The following PXDN variants were observed in gnomAD, a reference collection of about 807,000 sequenced individuals.
The protein encoded by PXDN is peroxidasin.
A neutral mutation model predicts 140.3 loss-of-function variants in PXDN; 77 were observed. That is an observed-to-expected ratio of 0.55 (90% CI 0.46 to 0.66). PXDN has a LOEUF of 0.66. Ranked by LOEUF, PXDN falls within the 30% of genes least tolerant of loss-of-function variation. The pLI, the probability that PXDN is intolerant of heterozygous loss-of-function variation, is 0.00. For missense variants in PXDN, 1,838 were observed against 2,039.5 expected (o/e 0.90, Z 1.90); for synonymous variants, 911 against 857.4 (o/e 1.06, Z -1.09).
At chr2:1,663,085 G>A (rs1046269438) in intron 12 of PXDN, among the ~76,000 whole-genome samples, 3 of 152,152 alleles carry the variant, frequency 2.0e-5, no homozygotes, top group African/African-American at 7.2e-5. Flanking sequence ...ATGAGGTTGT[G>A]GGGATTCTTC....
Position 1,713,684 on chromosome 2 carries a change from G to T in PXDN, c.201-20550C>A, listed in dbSNP as rs1684833872. ...TCCCCCCGAATGCTCGTGTGCTCCT[G>T]GTCCTTGCAGCCACTGCAGTGCCTC... On this transcript the variant is annotated intron_variant, in intron 1 of 22. Transcript: ENST00000252804. 3.3e-5 allele frequency among the ~76,000 whole-genome samples: 5 copies of T among 152,326 alleles called. No individual in the cohort carries two copies. The South Asian group carries it at 1.0e-3, about 32-fold the overall frequency.
chr2:1,649,045 G>T lies in PXDN; in HGVS notation c.2735C>A (p.Ala912Glu). ...QINQLTSYIDASNVYGSTEHE... is the reference protein window; with the variant it reads ...QINQLTSYIDESNVYGSTEHE... ...CTCCGTGCTCCCGTACACGTTGGATGCGTCTATGTAGGAGGTGAGCTGGTT... is the reference window on the plus strand; with the variant it reads ...CTCCGTGCTCCCGTACACGTTGGATTCGTCTATGTAGGAGGTGAGCTGGTT... The change falls in exon 17 of 23, where the codon GCA (alanine) becomes GAA (glutamate). Residue 912 changes from alanine (A) to glutamate (E), a missense_variant. Ala to Glu is a moderately radical substitution (Grantham distance 107, BLOSUM62 -1). Transcript: ENST00000252804. This position sits in a 1 kb window ranked among gnomAD's most constrained non-coding sequence, Gnocchi z 7.1. 1 of 1,612,660 alleles carries T rather than the reference G, an allele frequency of 6.2e-7. No individual in the cohort carries two copies. Among genetic ancestry groups the T allele is most frequent in the Non-Finnish European group, 8.5e-7 (1 of 1,179,734 alleles).
At chr2:1,705,163 G>A (rs552802204) in intron 1 of PXDN, among the ~76,000 whole-genome samples, 2 of 151,970 alleles carry the variant, frequency 1.3e-5, no homozygotes, top group African/African-American at 4.8e-5. Context: ...GGGCCTCCCC[G>A]GAGCCGTGAG....
Position 1,639,259 on chromosome 2 carries a change from G to A in PXDN, c.4073+43C>T, listed in dbSNP as rs1417021510. Reference sequence around the variant, plus strand: ...TCCTACTGCCCGACGCCCGCGGTGCGAGGGCCCCTCTGCACATCATTTGAC... The same window carrying A: ...TCCTACTGCCCGACGCCCGCGGTGCAAGGGCCCCTCTGCACATCATTTGAC... On this transcript the variant is annotated intron_variant, in intron 20 of 22. Transcript: ENST00000252804. This position sits in a 1 kb window ranked among gnomAD's most constrained non-coding sequence, Gnocchi z 5.0. 22 of 1,588,112 alleles carry A rather than the reference G, an allele frequency of 1.4e-5. No homozygotes were observed. The highest frequency in any genetic ancestry group is 1.5e-5 in the Non-Finnish European group (17 of 1,166,946).
intron 1 of PXDN, among the ~76,000 whole-genome samples, chr2:1,700,552 T>C (rs1350363902): frequency 4.6e-5 from 7 of 152,182 alleles, no homozygotes; most frequent in Admixed American, 1.3e-4. Context: ...ACGGCGATGA[T>C]GTTGTGGTTC....
Position 1,660,836 on chromosome 2 carries a change from C to G in PXDN, c.1837+45G>C, listed in dbSNP as rs765950494. 9.5e-6 allele frequency: 15 copies of G among 1,578,526 alleles called. No individual in the cohort carries two copies. In the Admixed American group the frequency reaches 2.6e-4, roughly 27 times the overall value. On this transcript the variant is annotated intron_variant, in intron 14 of 22. Coordinates refer to ENST00000252804, the MANE Select transcript of PXDN (RefSeq NM_012293.3). This position sits in a 1 kb window ranked among gnomAD's most constrained non-coding sequence, Gnocchi z 4.6. ...ACCACACTAGGGACCTGCGGGCTTT[C>G]TTTGTGGATACCATGTGGGTAGATG...
chr2:1,714,653 C>A lies in PXDN; in HGVS notation c.201-21519G>T, dbSNP rs184831099. 5.7e-4 allele frequency among the ~76,000 whole-genome samples: 86 copies of A among 151,284 alleles called. No individual in the cohort carries two copies. Among genetic ancestry groups the A allele is most frequent in the Non-Finnish European group, 1.1e-3 (78 of 68,024 alleles). On this transcript the variant is annotated intron_variant, in intron 1 of 22. Transcript: ENST00000252804. The surrounding 1 kb of genome is among the most constrained non-coding windows in gnomAD (Gnocchi z 4.3). The stretch of plus-strand genomic sequence containing the variant: ...GGAATGCGGCCACAGAAGAGGCGAC[C>A]CGGTGGCTGTGGCCAAGCTCCGATA...
In PXDN at chr2:1,697,302, A is replaced by C. The variant is rs543566594; in HGVS notation, c.201-4168T>G. ...ACACACAGGCGAACTCATAAACACT[A>C]GTAGCAGGCATTTGCTTGTTTCCTC... is the stretch of plus-strand genomic sequence containing the variant. On this transcript the variant is annotated intron_variant, in intron 1 of 22. Coordinates refer to ENST00000252804, the MANE Select transcript of PXDN (RefSeq NM_012293.3). Among the ~76,000 whole-genome samples, 38 of 152,372 alleles carry C rather than the reference A, an allele frequency of 2.5e-4. 1 individual carries two copies. The highest frequency in any genetic ancestry group is 8.9e-4 in the African/African-American group (37 of 41,590).
chr2:1,682,390 C>T (rs1683927442), intron 6 of PXDN, among the ~76,000 whole-genome samples: 1 of 152,080 alleles, frequency 6.6e-6, no homozygotes, highest in African/African-American at 2.4e-5. Context: ...CTATGTTTTA[C>T]TCCACTTTAT....
At chr2:1,717,291 G>A (rs923945198) in intron 1 of PXDN, among the ~76,000 whole-genome samples, 7 of 152,080 alleles carry the variant, frequency 4.6e-5, no homozygotes, top group East Asian at 1.9e-4. Context: ...AAAGTCTGAC[G>A]GGAACAGAGA....
chr2:1,647,161 TG>T (rs142499608), intron 17 of PXDN, among the ~76,000 whole-genome samples: 6,271 of 152,244 alleles, frequency 0.041, 409 homozygotes, highest in African/African-American at 0.14. Context: ...CCCAAAGTGC[TG>T]GGATTATAGG....
Position 1,687,725 on chromosome 2 carries a change from A to T in PXDN, c.345-22T>A. 1 of 1,483,872 alleles carries T rather than the reference A, an allele frequency of 6.7e-7. No homozygotes were observed. The highest frequency in any genetic ancestry group is 9.3e-7 in the Non-Finnish European group (1 of 1,069,884). The allele number at this position is 1,483,872 out of a possible 1,614,324, so 91.9% of individuals were successfully genotyped here. A position where few individuals can be genotyped will look rare whatever the true frequency, so the allele number is the denominator to read the frequency against. ...ATAGCTGAAACAAGAAACATTGGGG[A>T]GCATTAGCACACAGACAGGAGGTCA... On this transcript the variant is annotated intron_variant, in intron 3 of 22. Coordinates refer to ENST00000252804, the MANE Select transcript of PXDN (RefSeq NM_012293.3). The surrounding 1 kb of genome is among the most constrained non-coding windows in gnomAD (Gnocchi z 4.0).
In PXDN at chr2:1,733,287, AAC is replaced by A. The variant is rs536055572; in HGVS notation, c.200+10967_200+10968del. Reference sequence around the variant, plus strand: ...AAAATTTAAAAACCCAAGCACAAAAAACACAGAGAAAACCACACCAAGGCATA... The same window carrying A: ...AAAATTTAAAAACCCAAGCACAAAAAACAGAGAAAACCACACCAAGGCATA... On this transcript the variant is annotated intron_variant, in intron 1 of 22. Transcript: ENST00000252804. Among the ~76,000 whole-genome samples, 758 of 152,306 alleles carry A rather than the reference AAC, an allele frequency of 5.0e-3. 10 individuals are homozygous for A. Among genetic ancestry groups the A allele is most frequent in the African/African-American group, 0.018 (731 of 41,566 alleles).
rs149384164 is a variant in PXDN, at chr2:1,668,022, G to A, written c.1019-1536C>T. Among the ~76,000 whole-genome samples the A allele has an allele frequency of 5.5e-3, 845 of 152,266 alleles. 7 individuals are homozygous for A. Among genetic ancestry groups the A allele is most frequent in the African/African-American group, 0.019 (785 of 41,562 alleles). On this transcript the variant is annotated intron_variant, in intron 9 of 22. Transcript: ENST00000252804. Reference sequence around the variant, plus strand: ...AATCTTAAGCAAAAAGAACAAAGCCGGAGGCATCACACTACCTAACTTCAA... The same window carrying A: ...AATCTTAAGCAAAAAGAACAAAGCCAGAGGCATCACACTACCTAACTTCAA...
chr2:1,654,181 TA>T (rs760032002), intron 15 of PXDN, among the ~76,000 whole-genome samples: 17 of 152,256 alleles, frequency 1.1e-4, no homozygotes, highest in Non-Finnish European at 2.5e-4. Flanking sequence ...TTGTGGATCA[TA>T]GCCAAATTCT....
rs760261348 is a variant in PXDN, at chr2:1,676,964, C to T, written c.811G>A (p.Gly271Ser). ...NTVYFTCRAEGNPKPEIIWLR... is the reference protein window; with the variant it reads ...NTVYFTCRAESNPKPEIIWLR... ...CAGATGATCTCAGGCTTGGGGTTGC[C>T]TTCGGCTCTGCAGGTGAAGTACACG... Residue 271 changes from glycine (G) to serine (S), a missense_variant, in exon 8 of 23, where the codon GGC becomes AGC. Physicochemically the swap from Gly to Ser is moderately conservative, Grantham distance 56 (BLOSUM62 0). Coordinates refer to ENST00000252804, the MANE Select transcript of PXDN (RefSeq NM_012293.3). 6.2e-7 allele frequency: 1 copy of T among 1,613,038 alleles called. No homozygotes were observed. Among genetic ancestry groups the T allele is most frequent in the East Asian group, 2.2e-5 (1 of 44,854 alleles).
intron 2 of PXDN, among the ~76,000 whole-genome samples, chr2:1,692,376 G>T (rs1684201135): frequency 6.6e-6 from 1 of 152,234 alleles, no homozygotes; most frequent in Non-Finnish European, 1.5e-5. Context: ...CGGGTGGACA[G>T]ACGTGCCAGG....
intron 9 of PXDN, among the ~76,000 whole-genome samples, chr2:1,671,631 T>C (rs556593711): frequency 1.3e-4 from 20 of 152,298 alleles, no homozygotes; most frequent in Admixed American, 3.3e-4. Context: ...AGATAAAAAT[T>C]GCAAACTTTT....
chr2:1,635,863 C>T (rs1490131753), intron 21 of PXDN: 1 of 360,872 alleles, frequency 2.8e-6, no homozygotes, highest in Non-Finnish European at 5.3e-6. Flanking sequence ...ACTCAGAATC[C>T]CCAGAGTCAA....
Sources: allele counts gnomAD v4.1 joint callset (sites outside exome capture counted in the v4.1 genomes callset), GRCh38; gene constraint gnomAD v4.1.1; non-coding constraint Gnocchi (gnomAD v3.1); transcripts MANE v1.5; gene names NCBI Gene and HGNC (gene_info 2026-07-23, HGNC 2026-07-21).